Variants in CTBP2 observed in about 807,000 individuals in gnomAD.
The protein encoded by CTBP2 is C-terminal-binding protein 2.
CTBP2 carries 30 observed loss-of-function variants against 80.3 expected under a neutral mutation model. That is an observed-to-expected ratio of 0.37 (90% confidence interval 0.28 to 0.51). The LOEUF is 0.51. Among genes scored for constraint, CTBP2 ranks in the 20% least tolerant of loss-of-function variants. The pLI is 0.93. For missense variants in CTBP2, 1,212 were observed against 1,375.3 expected (o/e 0.88, Z 1.88); for synonymous variants, 594 against 587.4 (o/e 1.01, Z -0.16).
At chr10:125,115,681 C>T (rs1326626757) in intron 1 of CTBP2, among the ~76,000 whole-genome samples, 1 of 152,180 alleles carries the variant, frequency 6.6e-6, no homozygotes, top group Non-Finnish European at 1.5e-5. Context: ...CTCATCTCTG[C>T]CTAACTCATG....
At chr10:125,135,569 C>T (rs1050231711) in intron 1 of CTBP2, among the ~76,000 whole-genome samples, 11 of 152,196 alleles carry the variant, frequency 7.2e-5, no homozygotes, top group African/African-American at 2.7e-4. Context: ...TACACATGGA[C>T]CAAGGCAGGA....
rs867254377 is a variant in CTBP2 at position 125,025,887 on chromosome 10, C to T, written c.1678+195G>A. 2.6e-5 allele frequency among the ~76,000 whole-genome samples: 4 copies of T among 152,220 alleles called. No individual in the cohort carries two copies. The South Asian group carries it at 6.2e-4, about 24-fold the overall frequency. On this transcript the variant is annotated intron_variant, in intron 1 of 8. Transcript: ENST00000309035. Reference sequence around the variant, plus strand: ...GGCACTGCTGCCCCAGCAGATCTGGCCTGACACACAAATCTGATTAACTTA... The same window carrying T: ...GGCACTGCTGCCCCAGCAGATCTGGTCTGACACACAAATCTGATTAACTTA...
intron 1 of CTBP2, among the ~76,000 whole-genome samples, chr10:125,116,309 G>A (rs1853272789): frequency 6.6e-6 from 1 of 152,172 alleles, no homozygotes; most frequent in Non-Finnish European, 1.5e-5. Context: ...TGAGGTTTCT[G>A]GAAGCATGGT....
rs113955059 is a variant in CTBP2 at position 125,038,337 on chromosome 10, C to T, written c.58+660G>A. On this transcript the variant is annotated intron_variant, in intron 3 of 10. Transcript: ENST00000337195. Reference sequence around the variant, plus strand: ...CCCTGTAGGGCAGTACCAGCAATCACCCTGAGCAAAGAGCAGCCCTGTAGC... The same window carrying T: ...CCCTGTAGGGCAGTACCAGCAATCATCCTGAGCAAAGAGCAGCCCTGTAGC... Among the ~76,000 whole-genome samples, 1,383 of 152,138 alleles carry T rather than the reference C, an allele frequency of 9.1e-3. 24 individuals are homozygous for T. Among genetic ancestry groups the T allele is most frequent in the African/African-American group, 0.031 (1,286 of 41,472 alleles).
rs886885193 is a variant in CTBP2 at position 125,005,458 on chromosome 10, G to A, written c.1679-1966C>T. 3.9e-5 allele frequency: 52 copies of A among 1,328,102 alleles called. 2 individuals carry two copies. The South Asian group carries it at 5.4e-4, about 14-fold the overall frequency. The allele number at this position is 1,328,102 out of a possible 1,614,324, so 82.3% of individuals were successfully genotyped here. ...CCAAACAGGGTGTCCGCATGGATCC[G>A]CACTCCAACATCCTTCTGCACCAGG... On this transcript the variant is annotated intron_variant, in intron 1 of 8. Coordinates refer to ENST00000309035, the MANE Select transcript of CTBP2 (RefSeq NM_022802.3).
intron 1 of CTBP2, among the ~76,000 whole-genome samples, chr10:125,124,170 C>A (rs950132355): frequency 6.6e-6 from 1 of 152,212 alleles, no homozygotes; most frequent in Non-Finnish European, 1.5e-5. Context: ...CCCAGAGCTA[C>A]GCCCCTGCTT....
chr10:125,114,949 T>C (rs1457558323), intron 1 of CTBP2, among the ~76,000 whole-genome samples: 1 of 152,166 alleles, frequency 6.6e-6, no homozygotes, highest in Non-Finnish European at 1.5e-5. Context: ...ATTTCTGCCA[T>C]CTGAAGCTCA....
chr10:125,132,512 C>A (rs975721901), intron 1 of CTBP2, among the ~76,000 whole-genome samples: 1 of 152,110 alleles, frequency 6.6e-6, no homozygotes, highest in East Asian at 1.9e-4. Context: ...TGGCGAGGGG[C>A]GGAGTTGGAG....
At position 125,139,416 on chromosome 10, in the gene CTBP2, A is replaced by G. The variant is rs188953671; in HGVS notation, c.-206+20903T>C. Among the ~76,000 whole-genome samples the G allele has an allele frequency of 2.3e-3, 344 of 150,716 alleles. 2 individuals carry two copies. The highest frequency in any genetic ancestry group is 8.0e-3 in the African/African-American group (331 of 41,178). ...AAAAAAGATGGTAGCTACTATTATA[A>G]TTATTCCACCAAATTAATGTATTTC... is the stretch of plus-strand genomic sequence containing the variant. On this transcript the variant is annotated intron_variant, in intron 1 of 10. Transcript: ENST00000337195.
intron 8 of CTBP2, among the ~76,000 whole-genome samples, chr10:124,990,041 A>C (rs1214164481): frequency 6.9e-6 from 1 of 145,532 alleles, no homozygotes; most frequent in African/African-American, 2.5e-5. Context: ...CCTGGCTAAT[A>C]GTTTTTTTTT....
chr10:125,026,343 GA>G lies in CTBP2; in HGVS notation c.1416del (p.His473ThrfsTer19), dbSNP rs765489271. 2 of 1,613,868 alleles carry G rather than the reference GA, an allele frequency of 1.2e-6. No homozygotes were observed. Among genetic ancestry groups the G allele is most frequent in the Non-Finnish European group, 1.7e-6 (2 of 1,179,954 alleles). On this transcript the variant is annotated frameshift_variant, in exon 1 of 9. Coordinates refer to ENST00000309035, the MANE Select transcript of CTBP2 (RefSeq NM_022802.3). LOFTEE classifies it high-confidence loss of function. The stretch of plus-strand genomic sequence containing the variant: ...GAGTAGGCTGTTCTGGGGCCTGGGT[GA>G]AGGGGGTTTGAGGGGCCCGGGTTAG...
In CTBP2 at chr10:125,042,863, A is replaced by G. The variant is rs76564695; in HGVS notation, c.-101-3708T>C. On this transcript the variant is annotated intron_variant, in intron 2 of 10. Coordinates refer to the CTBP2 transcript ENST00000337195. ...GGAAAGCTGTATCTTTTCAAAAGGAAGAAGAGTGCCCTGAAGCCAAACCGC... is the reference window on the plus strand; with the variant it reads ...GGAAAGCTGTATCTTTTCAAAAGGAGGAAGAGTGCCCTGAAGCCAAACCGC... Among the ~76,000 whole-genome samples, 530 of 148,654 alleles carry G rather than the reference A, an allele frequency of 3.6e-3. 5 individuals carry two copies. Among genetic ancestry groups the G allele is most frequent in the African/African-American group, 0.013 (510 of 39,546 alleles).
In CTBP2 at chr10:125,026,449, G is replaced by C. The variant is rs200610015; in HGVS notation, c.1311C>G (p.Ser437=). The C allele has an allele frequency of 6.2e-7, 1 of 1,600,446 alleles. No individual in the cohort carries two copies. The highest frequency in any genetic ancestry group is 1.1e-5 in the South Asian group (1 of 90,098). ...CGCAAGGGGTGGGAGAGCTGTACCC[G>C]GAGTTGGAGGGGAAGTGTGGGGCAT... The change falls in exon 1 of 9, where the codon TCC becomes TCG. Residue 437 remains serine, a synonymous_variant. Transcript: ENST00000309035.
intron 1 of CTBP2, among the ~76,000 whole-genome samples, chr10:125,135,637 C>T (rs1359008605): frequency 6.6e-6 from 1 of 152,236 alleles, no homozygotes; most frequent in Non-Finnish European, 1.5e-5. Flanking sequence ...TCTCCATCCC[C>T]ACGCACACAG....
chr10:125,070,416 G>A (rs1845291617), intron 2 of CTBP2, among the ~76,000 whole-genome samples: 1 of 151,850 alleles, frequency 6.6e-6, no homozygotes, highest in Admixed American at 6.6e-5. Context: ...GAAAGGCCAG[G>A]TGGGGTGGCT....
intron 1 of CTBP2, among the ~76,000 whole-genome samples, chr10:125,018,124 C>A (rs1956677462): frequency 6.6e-6 from 1 of 152,212 alleles, no homozygotes; most frequent in Non-Finnish European, 1.5e-5. Context: ...GCATGGGCCA[C>A]CCCCTGCTGT....
At position 125,149,148 on chromosome 10, in the gene CTBP2, C is replaced by T. The variant is rs891306127; in HGVS notation, c.-206+11171G>A. Among the ~76,000 whole-genome samples the T allele has an allele frequency of 2.2e-4, 33 of 152,166 alleles. 1 individual carries two copies. Among genetic ancestry groups the T allele is most frequent in the African/African-American group, 7.5e-4 (31 of 41,432 alleles). ...CAGGACAGGGGACACACCATAGACACGACATGGGCTCTGGAAGACCACTCA... is the reference window on the plus strand; with the variant it reads ...CAGGACAGGGGACACACCATAGACATGACATGGGCTCTGGAAGACCACTCA... On this transcript the variant is annotated intron_variant, in intron 1 of 10. Coordinates refer to the CTBP2 transcript ENST00000337195.
intron 2 of CTBP2, among the ~76,000 whole-genome samples, chr10:125,079,876 A>G (rs1846909432): frequency 6.6e-6 from 1 of 152,180 alleles, no homozygotes; most frequent in African/African-American, 2.4e-5. Context: ...AACCACTTCC[A>G]CGATTAAGCA....
intron 3 of CTBP2, among the ~76,000 whole-genome samples, chr10:125,035,448 C>A (rs1178929677): frequency 6.6e-6 from 1 of 152,172 alleles, no homozygotes; most frequent in Non-Finnish European, 1.5e-5. Flanking sequence ...CTCGGGGGAC[C>A]ATTTTCCACG....
Sources: allele counts gnomAD v4.1 joint callset (sites outside exome capture counted in the v4.1 genomes callset), GRCh38; gene constraint gnomAD v4.1.1; transcripts MANE v1.5; gene names NCBI Gene and HGNC (gene_info 2026-07-23, HGNC 2026-07-21).